ZNF679: variants seen among roughly 807,000 people sequenced by gnomAD.
ZNF679 encodes hypothetical protein MGC42415.
In ZNF679, 10 loss-of-function variants were observed where a neutral mutation model predicts 13.4. That is an observed-to-expected ratio of 0.75 (90% CI 0.46 to 1.27). The LOEUF is 1.27. Ranked by LOEUF, ZNF679 falls within the 50% of genes most tolerant of loss-of-function variation. The probability of loss-of-function intolerance (pLI) is 0.00; values close to 1 mark genes in which losing one functional copy is unlikely to be tolerated. For missense variants in ZNF679, 525 were observed against 477.8 expected, an observed-to-expected ratio of 1.10 and a Z score of -0.92; for synonymous variants, 179 against 162.5, an observed-to-expected ratio of 1.10 and a Z score of -0.77.
At chr7:64,237,460 A>G (rs1034694710) in intron 1 of ZNF679, among the ~76,000 whole-genome samples, 1 of 152,164 alleles carries the variant, frequency 6.6e-6, no homozygotes, top group African/African-American at 2.4e-5. Flanking sequence ...GAGACATGGA[A>G]TCACAGGACA....
At chr7:64,241,664 A>G (rs1253538556) in intron 1 of ZNF679, among the ~76,000 whole-genome samples, 1 of 152,216 alleles carries the variant, frequency 6.6e-6, no homozygotes, top group Non-Finnish European at 1.5e-5. Flanking sequence ...ATAAAGAGTT[A>G]TATCATTTGG....
chr7:64,255,465 C>T (rs997235739), intron 2 of ZNF679, among the ~76,000 whole-genome samples: 4 of 152,150 alleles, frequency 2.6e-5, no homozygotes, highest in Admixed American at 2.6e-4. Flanking sequence ...TTTCCTCCAC[C>T]AATGTAGGGA....
chr7:64,244,355 G>C (rs1265880429), intron 1 of ZNF679, among the ~76,000 whole-genome samples: 1 of 152,038 alleles, frequency 6.6e-6, no homozygotes, highest in Non-Finnish European at 1.5e-5. Flanking sequence ...ATGCCAAACT[G>C]CCAATATTTC....
chr7:64,265,111 G>T lies in ZNF679; in HGVS notation c.263-785G>T, dbSNP rs547241699. 7.3e-5 allele frequency among the ~76,000 whole-genome samples: 11 copies of T among 151,512 alleles called. No individual in the cohort carries two copies. The East Asian group carries it at 1.2e-3, about 16-fold the overall frequency. ...CTTTTTCAAAATTTTTGATTTTTTTGATTAGACCATGTTGTCTTCATGTTT... is the reference window on the plus strand; with the variant it reads ...CTTTTTCAAAATTTTTGATTTTTTTTATTAGACCATGTTGTCTTCATGTTT... On this transcript the variant is annotated intron_variant, in intron 4 of 4. Coordinates refer to ENST00000421025, the MANE Select transcript of ZNF679 (RefSeq NM_153363.3).
chr7:64,248,140 A>G (rs71562909), intron 1 of ZNF679, among the ~76,000 whole-genome samples: 5 of 152,088 alleles, frequency 3.3e-5, no homozygotes, highest in South Asian at 2.1e-4. Flanking sequence ...TACTTGGTGG[A>G]AAAAGAGAAC....
At chr7:64,258,686 G>T (rs186722392) in intron 2 of ZNF679, among the ~76,000 whole-genome samples, 134 of 141,524 alleles carry the variant, frequency 9.5e-4, no homozygotes, top group Non-Finnish European at 1.6e-3. Context: ...GCTCGACAGA[G>T]CAAGATGGTC....
At chr7:64,231,332 C>G (rs1298455915) in intron 1 of ZNF679, among the ~76,000 whole-genome samples, 6 of 152,202 alleles carry the variant, frequency 3.9e-5, no homozygotes. Flanking sequence ...CACCTTAGTG[C>G]TAGGCAAGGA....
chr7:64,260,125 C>T, intron 2 of ZNF679, 96 bp from the exon 3 acceptor site: 1 of 1,127,666 alleles, frequency 8.9e-7, no homozygotes, highest in Admixed American at 2.7e-5. Context: ...TCTTTTTACT[C>T]TCTAACTTGA....
chr7:64,248,918 C>A lies in ZNF679; in HGVS notation c.-90-110C>A, dbSNP rs1002093582. 3.7e-5 allele frequency: 29 copies of A among 794,210 alleles called. No homozygotes were observed. In the Admixed American group the frequency reaches 5.0e-4, roughly 14 times the overall value. 49.2% of individuals were successfully genotyped at this position (794,210 alleles called of 1,614,324 possible). A position where few individuals can be genotyped will look rare whatever the true frequency, so the allele number is the denominator to read the frequency against. On this transcript the variant is annotated intron_variant, in intron 1 of 4. Coordinates refer to ENST00000421025, the MANE Select transcript of ZNF679 (RefSeq NM_153363.3). ...AGGGCGTGAAGGGTGGGTCCTGAAA[C>A]CTTATCCAATCAGGGGCCATATATT... is the stretch of plus-strand genomic sequence containing the variant.
At chr7:64,235,540 G>T (rs59842813) in intron 1 of ZNF679, among the ~76,000 whole-genome samples, 2,908 of 152,162 alleles carry the variant, frequency 0.019, 100 homozygotes, top group African/African-American at 0.066. Flanking sequence ...TGTAATCCCA[G>T]CACTTTGAAA....
intron 1 of ZNF679, among the ~76,000 whole-genome samples, chr7:64,247,226 C>T (rs1051963360): frequency 2.6e-5 from 4 of 152,168 alleles, no homozygotes; most frequent in African/African-American, 9.6e-5. Flanking sequence ...TTGTGAACTG[C>T]ATCTTGTGCC....
At chr7:64,239,753 C>T (rs1787770708) in intron 1 of ZNF679, among the ~76,000 whole-genome samples, 2 of 152,306 alleles carry the variant, frequency 1.3e-5, no homozygotes, top group South Asian at 2.1e-4. Context: ...TGTGACATTA[C>T]TGGCCTAAGT....
chr7:64,261,046 A>G (rs1288121976), intron 4 of ZNF679, 117 bp downstream of exon 4: 1 of 1,054,994 alleles, frequency 9.5e-7, no homozygotes, highest in South Asian at 1.7e-5. Flanking sequence ...GTTTCTAAGA[A>G]GCCCGAGTCA....
rs772411179 is a variant in ZNF679, at chr7:64,266,673, C to T, written c.1040C>T (p.Thr347Ile). ...STLKKHKIIH[T>I]GEKPYKCKEC... ...CTTAAGAAACATAAGATAATTCATA[C>T]TGGAGAGAAACCCTACAAATGTAAA... is the stretch of plus-strand genomic sequence containing the variant. Residue 347 changes from threonine (T) to isoleucine (I), a missense_variant, in exon 5 of 5, where the codon ACT (threonine) becomes ATT (isoleucine). Thr to Ile is a moderately conservative substitution (Grantham distance 89). Transcript: ENST00000421025. 1.5e-5 allele frequency: 25 copies of T among 1,613,476 alleles called. No homozygotes were observed. In the African/African-American group the frequency reaches 2.0e-4, roughly 13 times the overall value.
intron 2 of ZNF679, among the ~76,000 whole-genome samples, chr7:64,251,629 G>GT (rs1787945749): frequency 6.6e-6 from 1 of 152,080 alleles, no homozygotes; most frequent in Non-Finnish European, 1.5e-5. Flanking sequence ...CACACTTTAG[G>GT]TTTTTCCTGG....
intron 1 of ZNF679, among the ~76,000 whole-genome samples, chr7:64,238,972 T>C (rs1166802776): frequency 6.6e-6 from 1 of 152,090 alleles, no homozygotes; most frequent in African/African-American, 2.4e-5. Flanking sequence ...CTGGGTCTTC[T>C]ACTTGTATGA....
chr7:64,262,484 A>AT (rs1466038193), intron 4 of ZNF679, among the ~76,000 whole-genome samples: 2 of 152,100 alleles, frequency 1.3e-5, no homozygotes, highest in Non-Finnish European at 2.9e-5. Flanking sequence ...TGTTTAAAAT[A>AT]TTTTTTGTAT....
chr7:64,242,664 C>T (rs1043434060), intron 1 of ZNF679, among the ~76,000 whole-genome samples: 2 of 152,150 alleles, frequency 1.3e-5, no homozygotes, highest in Non-Finnish European at 2.9e-5. Flanking sequence ...GCTGAGTGTG[C>T]ATCCAATAGT....
intron 1 of ZNF679, among the ~76,000 whole-genome samples, chr7:64,244,391 C>T (rs1345077984): frequency 6.6e-6 from 1 of 151,920 alleles, no homozygotes. Flanking sequence ...ACTAACATAA[C>T]CTCCCAGGTG....
Sources: allele counts gnomAD v4.1 joint callset (sites outside exome capture counted in the v4.1 genomes callset), GRCh38; gene constraint gnomAD v4.1.1; transcripts MANE v1.5; gene names NCBI Gene and HGNC (gene_info 2026-07-23, HGNC 2026-07-21).